The following POLG variants were observed in gnomAD, a reference collection of about 807,000 sequenced individuals.
POLG encodes the protein DNA polymerase gamma, catalytic subunit, also known as DNA polymerase subunit gamma-1.
In POLG, 110 loss-of-function variants were observed where a neutral mutation model predicts 155.4. The observed-to-expected ratio is 0.71, with a 90% CI of 0.61 to 0.83. The LOEUF (loss-of-function observed/expected upper bound fraction) is 0.83, where lower values mean the gene tolerates loss of function less well. Ranked by LOEUF, POLG falls within the 40% of genes least tolerant of loss-of-function variation. The pLI is 0.00. For missense variants in POLG, 1,685 were observed against 1,627.5 expected, an observed-to-expected ratio of 1.04 and a Z score of -0.61; for synonymous variants, 701 against 631.5, an observed-to-expected ratio of 1.11 and a Z score of -1.65.
At chr15:89,316,891 G>T in intron 22 of POLG, 64 bp from the exon 23 acceptor site, 2 of 1,152,838 alleles carry the variant, frequency 1.7e-6, no homozygotes, top group Non-Finnish European at 2.6e-6. Flanking sequence ...GCTCAGAAGT[G>T]AGCAAAGGAG....
At chr15:89,326,562 T>C in intron 9 of POLG, 50 bp downstream of exon 9, 3 of 1,603,494 alleles carry the variant, frequency 1.9e-6, no homozygotes, top group Non-Finnish European at 2.6e-6. Context: ...GTCCTGAGAA[T>C]GGAGCAAGGG....
chr15:89,320,683 G>A, intron 18 of POLG, 83 bp downstream of exon 18: 1 of 1,490,424 alleles, frequency 6.7e-7, no homozygotes, highest in East Asian at 2.3e-5. Context: ...ATGGGCAGGA[G>A]ATAGAACAGA....
At chr15:89,331,236 C>G (rs955073764) in intron 2 of POLG, among the ~76,000 whole-genome samples, 42 of 152,130 alleles carry the variant, frequency 2.8e-4, no homozygotes, top group African/African-American at 9.9e-4. Flanking sequence ...AGTTTTAAAC[C>G]TGACAAAATC....
chr15:89,319,987 T>C (rs2055370450), intron 18 of POLG, among the ~76,000 whole-genome samples: 1 of 152,160 alleles, frequency 6.6e-6, no homozygotes. Context: ...TGTCCACAAC[T>C]AAAGCCCCAC....
intron 1 of POLG, 177 bp from the exon 2 acceptor site, chr15:89,334,090 G>A (rs1035764168): frequency 6.4e-5 from 25 of 387,656 alleles, no homozygotes; most frequent in African/African-American, 3.9e-4. Flanking sequence ...GGGAACCGGG[G>A]TCCACGCAAC....
intron 22 of POLG, 53 bp downstream of exon 22, chr15:89,317,323 T>C (rs890446286): frequency 1.3e-6 from 2 of 1,581,326 alleles, no homozygotes; most frequent in African/African-American, 2.7e-5. Flanking sequence ...AGACCCACTT[T>C]CTAGTCCACC....
At position 89,333,297 on chromosome 15, in the gene POLG, G is replaced by A; in HGVS notation, c.458C>T (p.Ala153Val). 1 of 1,554,052 alleles carries A rather than the reference G, an allele frequency of 6.4e-7. No homozygotes were observed. The highest frequency in any genetic ancestry group is 1.2e-5 in the South Asian group (1 of 86,162). ...CTGGGCCTGCAACAGCAAGTTGGCC[G>A]CCTCCAGGTAGGGCAGGCTCTGCTT... ...AQKQSLPYLE[A>V]ANLLLQAQLP... The change falls in exon 2 of 23, where the codon GCG (alanine) becomes GTG (valine). Residue 153 changes from alanine to valine, a missense_variant. Physicochemically the swap from Ala to Val is moderately conservative, Grantham distance 64. Transcript: ENST00000268124.
intron 20 of POLG, 30 bp downstream of exon 20, chr15:89,318,901 T>A (rs367557019): frequency 6.2e-7 from 1 of 1,613,306 alleles, no homozygotes; most frequent in Non-Finnish European, 8.5e-7. Context: ...CTGGGGCCCC[T>A]CTGCCCATGC....
At position 89,333,795 on chromosome 15, in the gene POLG, G is replaced by A; in HGVS notation, c.-41C>T. 1 of 1,534,184 alleles carries A rather than the reference G, an allele frequency of 6.5e-7. No individual in the cohort carries two copies. Among genetic ancestry groups the A allele is most frequent in the Non-Finnish European group, 8.7e-7 (1 of 1,145,752 alleles). On this transcript the variant is annotated 5_prime_UTR_variant, in exon 2 of 23. Coordinates refer to ENST00000268124, the MANE Select transcript of POLG (RefSeq NM_002693.3). The stretch of plus-strand genomic sequence containing the variant: ...CCCCACGCTGGGAGTCAGAACACCT[G>A]GCTTTGGGCTCCAGCTTGGCTTCTT...
Position 89,316,681 on chromosome 15 carries a change from G to C in POLG, c.*70C>G, listed in dbSNP as rs2055276357. The C allele has an allele frequency of 7.4e-7, 1 of 1,352,130 alleles. No individual in the cohort carries two copies. The allele number at this position is 1,352,130 out of a possible 1,614,324, so 83.8% of individuals were successfully genotyped here. ...CCTTTTGCAAAAAGCACAGCTGAAAGCCTGAGTTTGGGAGCCTGCACCACC... is the reference window on the plus strand; with the variant it reads ...CCTTTTGCAAAAAGCACAGCTGAAACCCTGAGTTTGGGAGCCTGCACCACC... On this transcript the variant is annotated 3_prime_UTR_variant, in exon 23 of 23. Transcript: ENST00000268124.
At position 89,320,867 on chromosome 15, in the gene POLG, G is replaced by A. The variant is rs752500492; in HGVS notation, c.2880C>T (p.Pro960=). Residue 960 remains proline, a synonymous_variant, in exon 18 of 23, where the codon CCC becomes CCT. Coordinates refer to ENST00000268124, the MANE Select transcript of POLG (RefSeq NM_002693.3). ...ACTGCATTAGTAAGCGCTCAGCAAA[G>A]GGCTGCCCAGCACCATAGATGCGGC... ...NYGRIYGAGQ[P]FAERLLMQFN... 1.2e-4 allele frequency: 186 copies of A among 1,613,850 alleles called. No homozygotes were observed. The highest frequency in any genetic ancestry group is 1.5e-4 in the Non-Finnish European group (181 of 1,180,030).
chr15:89,324,617 C>A (rs1233464263), intron 10 of POLG, among the ~76,000 whole-genome samples: 5 of 152,214 alleles, frequency 3.3e-5, no homozygotes, highest in African/African-American at 1.2e-4. Flanking sequence ...GGTCCCATGG[C>A]CCCATAAGAG....
chr15:89,316,688 T>C lies in POLG; in HGVS notation c.*63A>G, dbSNP rs552236933. 7.5e-4 allele frequency: 1,037 copies of C among 1,383,740 alleles called. 1 individual carries two copies. Among genetic ancestry groups the C allele is most frequent in the Non-Finnish European group, 9.4e-4 (919 of 976,416 alleles). 85.7% of individuals were successfully genotyped at this position (1,383,740 alleles called of 1,614,324 possible). A position where few individuals can be genotyped will look rare whatever the true frequency, so the allele number is the denominator to read the frequency against. On this transcript the variant is annotated 3_prime_UTR_variant, in exon 23 of 23. Transcript: ENST00000268124. ...CAAAAAGCACAGCTGAAAGCCTGAG[T>C]TTGGGAGCCTGCACCACCCCGATGA...
chr15:89,323,589 A>G, intron 12 of POLG, 78 bp from the exon 13 acceptor site: 1 of 967,368 alleles, frequency 1.0e-6, no homozygotes. Context: ...GGGGGTGGGA[A>G]AAGGGCCTGA....
intron 11 of POLG, 62 bp downstream of exon 11, chr15:89,324,045 T>G (rs1035208786): frequency 2.2e-5 from 36 of 1,610,612 alleles, no homozygotes; most frequent in Non-Finnish European, 2.9e-5. Context: ...AGGCTGCCCC[T>G]TCCCTGGGTG....
At chr15:89,322,481 C>A (rs778396338) in intron 14 of POLG, among the ~76,000 whole-genome samples, 2 of 152,356 alleles carry the variant, frequency 1.3e-5, no homozygotes, top group African/African-American at 4.8e-5. Context: ...CCATAGCCCA[C>A]GGCTCCAGCA....
chr15:89,328,733 T>C lies in POLG; in HGVS notation c.1122A>G (p.Arg374=), dbSNP rs372759057. The C allele has an allele frequency of 1.9e-5, 30 of 1,614,150 alleles. No individual in the cohort carries two copies. The African/African-American group carries it at 2.9e-4, about 16-fold the overall frequency. ...TCATGGTGCCCTTCACAAACAGTTC[T>C]CGAGGCTCCTTCTCTAAGGGAGGCC... ...VGGPPLEKEP[R]ELFVKGTMKD... The change falls in exon 5 of 23, where the codon CGA becomes CGG. Residue 374 remains arginine, a synonymous_variant. Coordinates refer to ENST00000268124, the MANE Select transcript of POLG (RefSeq NM_002693.3).
At position 89,333,500 on chromosome 15, in the gene POLG, C is replaced by T. The variant is rs1332983041; in HGVS notation, c.255G>A (p.Glu85=). The T allele has an allele frequency of 6.2e-7, 1 of 1,612,638 alleles. No individual in the cohort carries two copies. The highest frequency in any genetic ancestry group is 8.5e-7 in the Non-Finnish European group (1 of 1,179,690). ...TCTCCCCTCCTTGCCCGAAGATTTG[C>T]TCGTGCAGCCCTCTCGAGAGCATCT... ...DIQMLSRGLH[E]QIFGQGGEMP... The change falls in exon 2 of 23, where the codon GAG becomes GAA. Residue 85 remains glutamate, a synonymous_variant. Transcript: ENST00000268124.
rs2055466209 is a variant in POLG, at chr15:89,325,093, T to TGAGTGAGAGAGTGAGTGAGTGAGTGAGA, written c.1949+356_1949+357insTCTCACTCACTCACTCACTCTCTCACTC. Among the ~76,000 whole-genome samples, 2 of 42,322 alleles carry TGAGTGAGAGAGTGAGTGAGTGAGTGAGA rather than the reference T, an allele frequency of 4.7e-5. 1 individual carries two copies. Among genetic ancestry groups the TGAGTGAGAGAGTGAGTGAGTGAGTGAGA allele is most frequent in the African/African-American group, 2.3e-4 (2 of 8,786 alleles). 27.8% of individuals were successfully genotyped at this position (42,322 alleles called of 152,430 possible). Reference sequence around the variant, plus strand: ...GTGAGTGAGTGAGTGAGAGAGTGAGTGAGTGAGAGAGTGAGAGAGAGTGAG... The same window carrying TGAGTGAGAGAGTGAGTGAGTGAGTGAGA: ...GTGAGTGAGTGAGTGAGAGAGTGAGTGAGTGAGAGAGTGAGTGAGTGAGTGAGAGAGTGAGAGAGTGAGAGAGAGTGAG... On this transcript the variant is annotated intron_variant, in intron 10 of 22. Coordinates refer to ENST00000268124, the MANE Select transcript of POLG (RefSeq NM_002693.3).
Sources: gnomAD v4.1 joint callset for allele counts (sites outside exome capture counted in the v4.1 genomes callset) on GRCh38, gnomAD v4.1.1 for gene constraint, MANE v1.5 for transcripts, NCBI Gene and HGNC (gene_info 2026-07-23, HGNC 2026-07-21) for gene names.